The following MZT2A variants were observed in gnomAD, a reference collection of about 807,000 sequenced individuals.
MZT2A encodes the protein mitotic spindle organizing protein 2A.
A neutral mutation model predicts 12.4 loss-of-function variants in MZT2A; 8 were observed. The observed-to-expected ratio is 0.64, with a 90% CI of 0.38 to 1.16. The LOEUF (loss-of-function observed/expected upper bound fraction) is 1.16, where lower values mean the gene tolerates loss of function less well. MZT2A is among the 50% of genes most tolerant of loss of function. The probability of loss-of-function intolerance (pLI) is 0.01; values close to 1 mark genes in which losing one functional copy is unlikely to be tolerated. For synonymous variants in MZT2A, 88 were observed against 107.5 expected (o/e 0.82, Z 1.12); for missense variants, 181 against 223.6 (o/e 0.81, Z 1.22).
intron 1 of MZT2A, 30 bp from the exon 2 acceptor site, chr2:131,492,054 C>T (rs1486442503): frequency 1.1e-5 from 17 of 1,555,654 alleles, no homozygotes; most frequent in Non-Finnish European, 1.4e-5. Flanking sequence ...GGCCGGTGAG[C>T]CCTCTCCGCC....
In MZT2A at chr2:131,490,566, A is replaced by C. The variant is rs886613262; in HGVS notation, c.319+1310T>G. The C allele has an allele frequency of 1.7e-5, 25 of 1,514,356 alleles. 1 individual carries two copies. In the African/African-American group the frequency reaches 2.5e-4, roughly 15 times the overall value. 93.8% of individuals were successfully genotyped at this position (1,514,356 alleles called of 1,614,324 possible). ...GTCTCTAATAAACCGAGTCAGAAAT[A>C]GTGCCCTGTGGCTAAGCGGCAGGGC... On this transcript the variant is annotated intron_variant, in intron 2 of 2. Coordinates refer to ENST00000309451, the MANE Select transcript of MZT2A (RefSeq NM_001085365.2).
At chr2:131,492,782 G>A, upstream of MZT2A, 3 of 1,248,486 alleles carry the variant, frequency 2.4e-6, no homozygotes, top group South Asian at 4.0e-5. Flanking sequence ...GTCGCTCTTC[G>A]GGGGGGGTGG....
At chr2:131,484,857 T>C (rs1336537866) in intron 2 of MZT2A, among the ~76,000 whole-genome samples, 1 of 152,208 alleles carries the variant, frequency 6.6e-6, no homozygotes, top group Admixed American at 6.5e-5. Flanking sequence ...AGACTTTCCT[T>C]CTGAACACCA....
At chr2:131,488,152 G>C (rs1300179120) in intron 2 of MZT2A, among the ~76,000 whole-genome samples, 1 of 152,198 alleles carries the variant, frequency 6.6e-6, no homozygotes, top group Admixed American at 6.5e-5. Flanking sequence ...AGGCAGCACA[G>C]CTCAGGTGAG....
intron 2 of MZT2A, chr2:131,490,844 G>C (rs1679265136): frequency 6.5e-7 from 1 of 1,550,066 alleles, no homozygotes; most frequent in South Asian, 1.2e-5. Context: ...GGAGGAAAAC[G>C]AGGGCCTTGC....
downstream of MZT2A, among the ~76,000 whole-genome samples, chr2:131,482,266 G>A (rs565473958): frequency 1.3e-5 from 2 of 152,286 alleles, no homozygotes; most frequent in East Asian, 1.9e-4. Context: ...TTTTCAGAGG[G>A]AAGACTGTCT....
intron 3 of MZT2A, among the ~76,000 whole-genome samples, chr2:131,471,121 A>G (rs1387730251): frequency 1.4e-5 from 2 of 138,498 alleles, no homozygotes; most frequent in Non-Finnish European, 3.0e-5. Context: ...ACCTGGAGCA[A>G]GCTGGCAGGG....
chr2:131,480,742 G>C, downstream of MZT2A: 4 of 1,609,818 alleles, frequency 2.5e-6, no homozygotes, highest in Non-Finnish European at 3.4e-6. Flanking sequence ...TGCCCGACTG[G>C]ATTTAAGGTA....
At chr2:131,472,953 A>G (rs959100849) in intron 2 of MZT2A, among the ~76,000 whole-genome samples, 1 of 150,676 alleles carries the variant, frequency 6.6e-6, no homozygotes, top group Non-Finnish European at 1.5e-5. Context: ...CTAATCCCCA[A>G]TGTGACTGTA....
At chr2:131,477,212 A>G (rs1418491123) in intron 2 of MZT2A, among the ~76,000 whole-genome samples, 1 of 150,506 alleles carries the variant, frequency 6.6e-6, no homozygotes, top group Non-Finnish European at 1.5e-5. Context: ...TAATTTGTAG[A>G]TTTTTCATAG....
chr2:131,493,062 A>C, upstream of MZT2A: 1 of 1,490,538 alleles, frequency 6.7e-7, no homozygotes, highest in Non-Finnish European at 9.0e-7. Flanking sequence ...CTCTGCGCGC[A>C]GCTTGATGAC....
chr2:131,476,268 A>T (rs1678664222), intron 2 of MZT2A: 2 of 1,612,146 alleles, frequency 1.2e-6, no homozygotes, highest in South Asian at 2.2e-5. Context: ...GGGTGGACAG[A>T]GGGACGTTGT....
chr2:131,478,034 A>G, intron 2 of MZT2A: 3 of 1,284,034 alleles, frequency 2.3e-6, no homozygotes, highest in Admixed American at 5.4e-5. Flanking sequence ...TAACCCTCCT[A>G]GGAAATATCG....
At chr2:131,482,120 G>A (rs1376565614), downstream of MZT2A, among the ~76,000 whole-genome samples, 1 of 152,224 alleles carries the variant, frequency 6.6e-6, no homozygotes, top group Non-Finnish European at 1.5e-5. Context: ...ACAGTGGCTT[G>A]TTCTGTGGGT....
At chr2:131,484,842 G>A (rs1361373529) in intron 2 of MZT2A, among the ~76,000 whole-genome samples, 9 of 152,100 alleles carry the variant, frequency 5.9e-5, no homozygotes, top group African/African-American at 1.7e-4. Flanking sequence ...CAGTCTGAAC[G>A]CTTGAGACTT....
At chr2:131,492,805 A>G, upstream of MZT2A, 2 of 1,416,340 alleles carry the variant, frequency 1.4e-6, no homozygotes, top group Non-Finnish European at 1.9e-6. Flanking sequence ...GGCACTAATC[A>G]ACAACCCTGC....
At chr2:131,492,166 G>A (rs1679346962) in intron 1 of MZT2A, 41 bp downstream of exon 1, 1 of 1,537,024 alleles carries the variant, frequency 6.5e-7, no homozygotes, top group Non-Finnish European at 8.8e-7. Flanking sequence ...CAGAGGTCGG[G>A]GGTGTCTGGC....
In MZT2A at chr2:131,491,879, G is replaced by T. The variant is rs1260747716; in HGVS notation, c.316C>A (p.Arg106=). The T allele has an allele frequency of 1.0e-5, 15 of 1,489,724 alleles. No homozygotes were observed. The highest frequency in any genetic ancestry group is 1.3e-5 in the Non-Finnish European group (15 of 1,115,460). 92.3% of individuals were successfully genotyped at this position (1,489,724 alleles called of 1,614,324 possible). A position where few individuals can be genotyped will look rare whatever the true frequency, so the allele number is the denominator to read the frequency against. ...SLPTSSVPET[R]GRDKGSAALG... ...GGACAGCGGGCCCAGCTCTGACCTCGGGTCTCGGGCACGCTCGACGTGGGC... is the reference window on the plus strand; with the variant it reads ...GGACAGCGGGCCCAGCTCTGACCTCTGGTCTCGGGCACGCTCGACGTGGGC... The change falls in exon 2 of 3, where the codon CGA becomes AGA. Residue 106 remains arginine (R), a synonymous_variant. Coordinates refer to ENST00000309451, the MANE Select transcript of MZT2A (RefSeq NM_001085365.2).
intron 2 of MZT2A, chr2:131,489,351 C>A (rs1046819980): frequency 1.3e-5 from 2 of 150,158 alleles, no homozygotes; most frequent in Non-Finnish European, 2.9e-5. Context: ...GGCGCCACCA[C>A]CACGCCCACC....
Sources: allele counts gnomAD v4.1 joint callset (sites outside exome capture counted in the v4.1 genomes callset), GRCh38; gene constraint gnomAD v4.1.1; transcripts MANE v1.5; gene names NCBI Gene and HGNC (gene_info 2026-07-23, HGNC 2026-07-21).